Variants in ADAMTSL1 observed in about 807,000 individuals in gnomAD.
ADAMTSL1 encodes the protein ADAMTS like 1, also known as ADAMTS-like protein 1.
Under a neutral mutation model 201.8 loss-of-function variants are expected in ADAMTSL1, and 126 were observed. The ratio of observed to expected loss-of-function variants is 0.62; its 90% confidence interval spans 0.54 to 0.72. ADAMTSL1 has a LOEUF of 0.72. Among genes scored for constraint, ADAMTSL1 ranks in the 30% least tolerant of loss-of-function variants. ADAMTSL1 has a pLI of 0.00. For synonymous variants in ADAMTSL1, 1,121 were observed against 903.4 expected (o/e 1.24, Z -4.32); for missense variants, 2,679 against 2,277.8 (o/e 1.18, Z -3.59).
intron 2 of ADAMTSL1, among the ~76,000 whole-genome samples, chr9:18,427,271 G>T (rs537403248): frequency 6.6e-6 from 1 of 152,270 alleles, no homozygotes; most frequent in East Asian, 1.9e-4. Flanking sequence ...TGTACTAATC[G>T]ACTTGCTGAA....
At chr9:18,140,287 AC>A (rs1352050836) in intron 1 of ADAMTSL1, among the ~76,000 whole-genome samples, 1 of 152,108 alleles carries the variant, frequency 6.6e-6, no homozygotes, top group Admixed American at 6.6e-5. Context: ...CCCCAAGACC[AC>A]CCTCAGTTTC....
intron 1 of ADAMTSL1, among the ~76,000 whole-genome samples, chr9:17,929,187 A>G (rs1265818790): frequency 6.6e-6 from 1 of 152,174 alleles, no homozygotes; most frequent in African/African-American, 2.4e-5. Flanking sequence ...TTTTTGAGAA[A>G]CAGAAATTGT....
chr9:18,066,825 A>C (rs997093259), intron 1 of ADAMTSL1, among the ~76,000 whole-genome samples: 1 of 152,216 alleles, frequency 6.6e-6, no homozygotes, highest in Non-Finnish European at 1.5e-5. Context: ...TGATGAGTTC[A>C]TGTCCTTTGG....
chr9:18,188,297 T>C (rs765973839), intron 2 of ADAMTSL1, among the ~76,000 whole-genome samples: 1 of 152,158 alleles, frequency 6.6e-6, no homozygotes, highest in Non-Finnish European at 1.5e-5. Flanking sequence ...CGGCAGTCTT[T>C]AGGAATTAGT....
rs552624773 is a variant in ADAMTSL1 at position 18,169,205 on chromosome 9, C to G, written c.207+5224C>G. ...TTAGGTATGAAGTCCTTGCCCATGC[C>G]TATGTCCTGAATGGTGTTGCCTAGG... On this transcript the variant is annotated intron_variant, in intron 2 of 29. Transcript: ENST00000680146. 5.9e-5 allele frequency among the ~76,000 whole-genome samples: 9 copies of G among 151,976 alleles called. 1 individual carries two copies. In the South Asian group the frequency reaches 1.7e-3, roughly 28 times the overall value.
intron 2 of ADAMTSL1, among the ~76,000 whole-genome samples, chr9:18,437,810 G>T (rs1819807027): frequency 6.6e-6 from 1 of 152,072 alleles, no homozygotes; most frequent in African/African-American, 2.4e-5. Flanking sequence ...TCCCAGCTTT[G>T]GCAAGAACAC....
chr9:17,917,926 A>C (rs1232584799), intron 1 of ADAMTSL1, among the ~76,000 whole-genome samples: 1 of 151,966 alleles, frequency 6.6e-6, no homozygotes, highest in Non-Finnish European at 1.5e-5. Flanking sequence ...CGTCAGTTTC[A>C]TCTAACTTGT....
At chr9:18,614,772 T>C (rs572341227) in intron 4 of ADAMTSL1, among the ~76,000 whole-genome samples, 23 of 152,314 alleles carry the variant, frequency 1.5e-4, no homozygotes, top group African/African-American at 4.6e-4. Context: ...TCAGTTGATT[T>C]GGTCTAATTT....
chr9:17,917,622 C>T (rs1826147229), intron 1 of ADAMTSL1, among the ~76,000 whole-genome samples: 1 of 151,878 alleles, frequency 6.6e-6, no homozygotes, highest in Non-Finnish European at 1.5e-5. Flanking sequence ...ACATCTATGT[C>T]CATGAGGAAT....
chr9:18,742,625 G>C (rs1168413111), intron 15 of ADAMTSL1, among the ~76,000 whole-genome samples: 2 of 152,144 alleles, frequency 1.3e-5, no homozygotes, highest in Non-Finnish European at 2.9e-5. Context: ...TCTTGAGGTA[G>C]GAACATGAAG....
In ADAMTSL1 at chr9:18,400,870, T is replaced by C. The variant is rs143756027; in HGVS notation, c.208-103959T>C. Among the ~76,000 whole-genome samples the C allele has an allele frequency of 7.5e-3, 1,138 of 152,306 alleles. 19 individuals are homozygous for C. The highest frequency in any genetic ancestry group is 0.026 in the African/African-American group (1,081 of 41,554). Reference sequence around the variant, plus strand: ...TTCAATATAGTGCGTAGTAGGAGTATTTCATGAAGCTCAGGACAGCTGGCA... The same window carrying C: ...TTCAATATAGTGCGTAGTAGGAGTACTTCATGAAGCTCAGGACAGCTGGCA... On this transcript the variant is annotated intron_variant, in intron 2 of 29. Transcript: ENST00000680146.
intron 2 of ADAMTSL1, among the ~76,000 whole-genome samples, chr9:18,364,343 A>G (rs1836668107): frequency 6.6e-6 from 1 of 152,148 alleles, no homozygotes; most frequent in African/African-American, 2.4e-5. Flanking sequence ...GCTATTCTCA[A>G]ACACAGGTTT....
intron 1 of ADAMTSL1, among the ~76,000 whole-genome samples, chr9:18,138,627 T>A (rs1466946473): frequency 6.6e-6 from 1 of 152,156 alleles, no homozygotes; most frequent in East Asian, 1.9e-4. Context: ...GTAGTGTGAC[T>A]GTTCTAAATT....
Position 18,795,462 on chromosome 9 carries a change from A to G in ADAMTSL1, c.3743A>G (p.Tyr1248Cys). Residue 1248 changes from tyrosine to cysteine, a missense_variant, in exon 20 of 29, where the codon TAC becomes TGC. Transcript: ENST00000380548. ...LAPVEADVGF[Y>C]TCNATNALGY... is the part of the protein sequence containing the mutation. ...CCAGTGGAAGCAGATGTGGGTTTCT[A>G]CACTTGCAATGCCACCAATGCCTTG... is the stretch of plus-strand genomic sequence containing the variant. 1.2e-6 allele frequency: 2 copies of G among 1,613,876 alleles called. No individual in the cohort carries two copies. The highest frequency in any genetic ancestry group is 1.7e-6 in the Non-Finnish European group (2 of 1,179,846).
rs1405270008 is a variant in ADAMTSL1 at position 18,777,565 on chromosome 9, C to T, written c.3336C>T (p.His1112=). 1.2e-6 allele frequency: 2 copies of T among 1,608,482 alleles called. No individual in the cohort carries two copies. The highest frequency in any genetic ancestry group is 1.3e-5 in the African/African-American group (1 of 74,790). Residue 1112 remains histidine, a synonymous_variant, in exon 19 of 29, where the codon CAC becomes CAT. Transcript: ENST00000380548. The part of the protein sequence containing the change: ...AQLAQEIFRS[H]LEHQDTLLKP... ...TGGCCCAGGAGATCTTCCGCAGCCA[C>T]CTGGAGCACCAGGACACGCTCCTGA...
intron 4 of ADAMTSL1, among the ~76,000 whole-genome samples, chr9:18,599,947 T>C (rs1824520161): frequency 7.7e-6 from 1 of 130,232 alleles, no homozygotes; most frequent in African/African-American, 2.9e-5. Context: ...GGTCAGGAAA[T>C]CGAGATCATC....
chr9:18,218,316 C>G (rs995562413), intron 2 of ADAMTSL1, among the ~76,000 whole-genome samples: 2 of 152,154 alleles, frequency 1.3e-5, no homozygotes, highest in African/African-American at 4.8e-5. Flanking sequence ...GGAATCACCA[C>G]TGAGTGAGGC....
intron 1 of ADAMTSL1, among the ~76,000 whole-genome samples, chr9:17,953,778 AC>A (rs1827824724): frequency 6.6e-6 from 1 of 152,152 alleles, no homozygotes; most frequent in Non-Finnish European, 1.5e-5. Flanking sequence ...AAAACGAACC[AC>A]CCCAAAGCTT....
At chr9:18,687,705 T>C (rs897222591) in intron 13 of ADAMTSL1, among the ~76,000 whole-genome samples, 1 of 152,332 alleles carries the variant, frequency 6.6e-6, no homozygotes, top group Non-Finnish European at 1.5e-5. Context: ...AAACCCAAAA[T>C]GTAAGGACAA....
Sources: gnomAD v4.1 joint callset for allele counts (sites outside exome capture counted in the v4.1 genomes callset) on GRCh38, gnomAD v4.1.1 for gene constraint, MANE v1.5 for transcripts, NCBI Gene and HGNC (gene_info 2026-07-23, HGNC 2026-07-21) for gene names.